SDK2: variants seen among roughly 807,000 people sequenced by gnomAD.
SDK2 encodes protein sidekick-2.
SDK2 carries 105 observed loss-of-function variants against 253.9 expected under a neutral mutation model. That is an observed-to-expected ratio of 0.41 (90% CI 0.35 to 0.49). SDK2 has a LOEUF of 0.49. SDK2 is among the 20% of genes least tolerant of loss of function. The pLI is 0.06. For synonymous variants in SDK2, 1,249 were observed against 1,234.9 expected (o/e 1.01, Z -0.24); for missense variants, 2,608 against 3,003.0 (o/e 0.87, Z 3.07).
chr17:73,342,329 C>G (rs958704378), intron 44 of SDK2, among the ~76,000 whole-genome samples: 2 of 152,206 alleles, frequency 1.3e-5, no homozygotes, highest in Non-Finnish European at 2.9e-5. Context: ...CAGCACAATA[C>G]AAGCCCCTTT....
chr17:73,445,325 A>C (rs7213751), intron 5 of SDK2, among the ~76,000 whole-genome samples: 2,439 of 152,318 alleles, frequency 0.016, 60 homozygotes, highest in African/African-American at 0.056. Flanking sequence ...TTGGTAAAAA[A>C]ATGGGGCTAC....
intron 18 of SDK2, among the ~76,000 whole-genome samples, chr17:73,411,762 G>GTACTAC (rs1325072469): frequency 6.7e-6 from 1 of 148,822 alleles, no homozygotes; most frequent in Non-Finnish European, 1.5e-5. Context: ...GAGAGCAAAT[G>GTACTAC]TACTACTACT....
rs892998143 is a variant in SDK2 at position 73,447,252 on chromosome 17, C to T, written c.613+363G>A. ...TCAGCCCTGCAATCACCCACATGCC[C>T]TCCTGGTCAGCATCTGAGCCCCGAT... On this transcript the variant is annotated intron_variant, in intron 5 of 44. Transcript: ENST00000392650. The surrounding 1 kb of genome is among the most constrained non-coding windows in gnomAD (Gnocchi z 4.0). Among the ~76,000 whole-genome samples the T allele has an allele frequency of 6.6e-6, 1 of 152,074 alleles. No individual in the cohort carries two copies. Among genetic ancestry groups the T allele is most frequent in the Non-Finnish European group, 1.5e-5 (1 of 68,014 alleles).
At chr17:73,342,716 G>A (rs963785165) in intron 44 of SDK2, among the ~76,000 whole-genome samples, 1 of 151,384 alleles carries the variant, frequency 6.6e-6, no homozygotes, top group East Asian at 1.9e-4. Flanking sequence ...ACGAGTCTCT[G>A]GGGGGAGGAG....
At chr17:73,355,174 A>ATATATATATTTT in intron 40 of SDK2, among the ~76,000 whole-genome samples, 1 of 47,240 alleles carries the variant, frequency 2.1e-5, no homozygotes, top group Non-Finnish European at 3.4e-5. Flanking sequence ...ATATATATAT[A>ATATATATATTTT]TTTTTTTTTT....
intron 1 of SDK2, among the ~76,000 whole-genome samples, chr17:73,600,791 C>T (rs72847610): frequency 2.6e-5 from 4 of 152,110 alleles, no homozygotes; most frequent in Non-Finnish European, 4.4e-5. Context: ...CTCCACTCCC[C>T]ACCGGATACC....
intron 3 of SDK2, among the ~76,000 whole-genome samples, chr17:73,456,284 G>T (rs953114432): frequency 3.9e-5 from 6 of 152,162 alleles, no homozygotes; most frequent in African/African-American, 7.2e-5. Context: ...CGGCCAGTTC[G>T]TTCAACCACC....
intron 1 of SDK2, among the ~76,000 whole-genome samples, chr17:73,578,625 C>T (rs1468607411): frequency 2.0e-5 from 3 of 152,066 alleles, no homozygotes; most frequent in Non-Finnish European, 4.4e-5. Flanking sequence ...GGGTTGGGGG[C>T]TCCTACTGGA....
At chr17:73,484,145 T>G (rs1262929405) in intron 2 of SDK2, among the ~76,000 whole-genome samples, 1 of 152,156 alleles carries the variant, frequency 6.6e-6, no homozygotes, top group African/African-American at 2.4e-5. Flanking sequence ...CTCCCACTCC[T>G]GGGGTTGGGG....
chr17:73,447,554 GCAC>G lies in SDK2; in HGVS notation c.613+58_613+60del. On this transcript the variant is annotated intron_variant, in intron 5 of 44. Coordinates refer to ENST00000392650, the MANE Select transcript of SDK2 (RefSeq NM_001144952.2). The surrounding 1 kb of genome is among the most constrained non-coding windows in gnomAD (Gnocchi z 4.0). ...TCCATCTTCCCAATGATCCCCTGGA[GCAC>G]CATTGCTAAGATTTAATGGCCCGCT... The G allele has an allele frequency of 6.5e-7, 1 of 1,542,136 alleles. No individual in the cohort carries two copies. The highest frequency in any genetic ancestry group is 8.8e-7 in the Non-Finnish European group (1 of 1,139,376).
At chr17:73,492,215 G>A (rs942020187) in intron 2 of SDK2, among the ~76,000 whole-genome samples, 2 of 152,154 alleles carry the variant, frequency 1.3e-5, no homozygotes, top group Non-Finnish European at 2.9e-5. Context: ...GGAGAGACCA[G>A]GGGGAATAAT....
At chr17:73,555,289 G>T (rs1349311489) in intron 1 of SDK2, among the ~76,000 whole-genome samples, 2 of 152,268 alleles carry the variant, frequency 1.3e-5, no homozygotes, top group Non-Finnish European at 2.9e-5. Context: ...GGCCTTGAAG[G>T]CTGGCAGGAC....
rs78558575 is a variant in SDK2 at position 73,591,437 on chromosome 17, C to T, written c.64+52588G>A. Among the ~76,000 whole-genome samples the T allele has an allele frequency of 2.6e-3, 394 of 152,270 alleles. 5 individuals are homozygous for T. The South Asian group carries it at 0.035, about 14-fold the overall frequency. The stretch of plus-strand genomic sequence containing the variant: ...TCCCCCGGCCACCAGCACACTCTTC[C>T]GGGACGCCACAGTGGGGTTGCCAGA... On this transcript the variant is annotated intron_variant, in intron 1 of 44. Transcript: ENST00000392650.
intron 1 of SDK2, among the ~76,000 whole-genome samples, chr17:73,547,026 C>T (rs2044976674): frequency 6.6e-6 from 1 of 152,242 alleles, no homozygotes; most frequent in African/African-American, 2.4e-5. Flanking sequence ...GATCCAGGTG[C>T]TTCCCTCCCT....
At chr17:73,593,595 G>C (rs1226796991) in intron 1 of SDK2, among the ~76,000 whole-genome samples, 3 of 152,178 alleles carry the variant, frequency 2.0e-5, no homozygotes. Context: ...AGGAGCAGAT[G>C]GTACCTCAAG....
chr17:73,582,341 G>C (rs1371814053), intron 1 of SDK2, among the ~76,000 whole-genome samples: 1 of 151,278 alleles, frequency 6.6e-6, no homozygotes, highest in Admixed American at 6.6e-5. Context: ...TCAGCATTTG[G>C]GGGTGCACAC....
At chr17:73,601,904 C>T (rs2045847182) in intron 1 of SDK2, among the ~76,000 whole-genome samples, 1 of 152,132 alleles carries the variant, frequency 6.6e-6, no homozygotes, top group Non-Finnish European at 1.5e-5. Context: ...GCACCATGCC[C>T]GGCTAATTTT....
chr17:73,483,110 G>T (rs1387559988), intron 2 of SDK2, among the ~76,000 whole-genome samples: 1 of 151,942 alleles, frequency 6.6e-6, no homozygotes, highest in Admixed American at 6.6e-5. Context: ...CCGTCCTGGG[G>T]CCCTCAAGAC....
At chr17:73,591,694 C>T (rs945864298) in intron 1 of SDK2, among the ~76,000 whole-genome samples, 11 of 152,166 alleles carry the variant, frequency 7.2e-5, no homozygotes, top group African/African-American at 2.4e-4. Flanking sequence ...TGCAGGTTTA[C>T]AAGAACTAGG....
Sources: allele counts gnomAD v4.1 joint callset (sites outside exome capture counted in the v4.1 genomes callset), GRCh38; gene constraint gnomAD v4.1.1; non-coding constraint Gnocchi (gnomAD v3.1); transcripts MANE v1.5; gene names NCBI Gene and HGNC (gene_info 2026-07-23, HGNC 2026-07-21).